Variants in TGFBR3 observed in about 807,000 individuals in gnomAD.
TGFBR3 encodes the protein transforming growth factor beta receptor type 3.
Under a neutral mutation model 87.9 loss-of-function variants are expected in TGFBR3, and 46 were observed. That is an observed-to-expected ratio of 0.52 (90% CI 0.41 to 0.67). The LOEUF (loss-of-function observed/expected upper bound fraction) is 0.67. Among genes scored for constraint, TGFBR3 ranks in the 30% least tolerant of loss-of-function variants. The pLI, the probability that TGFBR3 is intolerant of heterozygous loss-of-function variation, is 0.00. For synonymous variants in TGFBR3, 381 were observed against 391.6 expected, an observed-to-expected ratio of 0.97 and a Z score of 0.32; for missense variants, 866 against 1,041.9, an observed-to-expected ratio of 0.83 and a Z score of 2.32.
intron 1 of TGFBR3, among the ~76,000 whole-genome samples, chr1:91,878,903 T>C (rs1343834725): frequency 6.6e-6 from 1 of 152,208 alleles, no homozygotes; most frequent in Non-Finnish European, 1.5e-5. Flanking sequence ...CGCTTCTTTA[T>C]AACCATTTTT....
chr1:91,701,877 C>T (rs889119353), intron 14 of TGFBR3, among the ~76,000 whole-genome samples: 15 of 152,160 alleles, frequency 9.9e-5, no homozygotes, highest in African/African-American at 2.9e-4. Context: ...ACTAACTTAA[C>T]GTCACTGTAA....
rs1381489917 is a variant in TGFBR3, at chr1:91,716,372, A to G, written c.1730T>C (p.Val577Ala). The G allele has an allele frequency of 1.2e-6, 2 of 1,614,142 alleles. No individual in the cohort carries two copies. Among genetic ancestry groups the G allele is most frequent in the Non-Finnish European group, 1.7e-6 (2 of 1,180,012 alleles). ...IVVFNCSLQQ[V>A]RNPSSFQEQP... ...TTCCTGGAAGCTGCTGGGGTTCCTC[A>G]CCTGCTGAAGGCTGCAATTAAACTG... Residue 577 changes from valine (V) to alanine (A), a missense_variant, in exon 12 of 17, where the codon GTG becomes GCG. Physicochemically the swap from Val to Ala is moderately conservative, Grantham distance 64 (BLOSUM62 0). Transcript: ENST00000212355.
intron 4 of TGFBR3, among the ~76,000 whole-genome samples, chr1:91,752,229 T>A (rs1436101027): frequency 2.0e-5 from 3 of 152,204 alleles, no homozygotes; most frequent in Admixed American, 2.0e-4. Flanking sequence ...TTTCAGTATA[T>A]GTTATGTCCC....
chr1:91,776,445 G>A (rs897074417), intron 3 of TGFBR3, among the ~76,000 whole-genome samples: 6 of 152,224 alleles, frequency 3.9e-5, no homozygotes, highest in African/African-American at 9.6e-5. Context: ...GAAGTGTGTT[G>A]TGAATTCAAG....
intron 1 of TGFBR3, 188 bp from the exon 2 acceptor site, chr1:91,861,832 T>C (rs1430160636): frequency 5.2e-6 from 2 of 386,658 alleles, no homozygotes; most frequent in South Asian, 2.5e-5. Context: ...GCAAATACTT[T>C]TGCAAATGAC....
At chr1:91,690,966 C>T (rs1016511037) in intron 16 of TGFBR3, among the ~76,000 whole-genome samples, 1 of 151,312 alleles carries the variant, frequency 6.6e-6, no homozygotes, top group African/African-American at 2.4e-5. Context: ...TGATACTGCA[C>T]CCATGAAACA....
chr1:91,774,937 A>T (rs1398281840), intron 3 of TGFBR3, among the ~76,000 whole-genome samples: 1 of 152,064 alleles, frequency 6.6e-6, no homozygotes, highest in East Asian at 1.9e-4. Context: ...CCAAAAATGA[A>T]ATTTATATAT....
intron 1 of TGFBR3, among the ~76,000 whole-genome samples, chr1:91,882,553 G>C: frequency 6.6e-6 from 1 of 151,930 alleles, no homozygotes; most frequent in East Asian, 2.0e-4. Flanking sequence ...GACCTTCCTG[G>C]CTAACACGGT....
intron 4 of TGFBR3, among the ~76,000 whole-genome samples, chr1:91,751,849 C>T (rs2100873356): frequency 6.6e-6 from 1 of 152,260 alleles, no homozygotes. Flanking sequence ...TTGATATTTA[C>T]TTGGATTTGC....
upstream of TGFBR3, among the ~76,000 whole-genome samples, chr1:91,888,347 C>G (rs755783907): frequency 1.3e-5 from 2 of 152,178 alleles, no homozygotes; most frequent in African/African-American, 4.8e-5. Context: ...GCCTTGTTAA[C>G]AAGTTTTAGT....
Position 91,712,430 on chromosome 1 carries a change from CA to C in TGFBR3, c.1978del (p.Cys660ValfsTer7), listed in dbSNP as rs1208185230. The C allele has an allele frequency of 6.2e-7, 1 of 1,614,144 alleles. No homozygotes were observed. Among genetic ancestry groups the C allele is most frequent in the South Asian group, 1.1e-5 (1 of 91,084 alleles). ...MSHYTIIENI[C>X]PKDESVKFYS... ...GAATTTCACAGATTCATCTTTAGGA[CA>C]AATATTCTCAATAATGGTGTAATGA... On this transcript the variant is annotated frameshift_variant, in exon 13 of 17. Coordinates refer to ENST00000212355, the MANE Select transcript of TGFBR3 (RefSeq NM_003243.5). LOFTEE classifies it high-confidence loss of function.
rs1464092327 is a variant in TGFBR3, at chr1:91,797,343, C to T, written c.190G>A (p.Val64Met). The T allele has an allele frequency of 1.2e-6, 2 of 1,614,256 alleles. No homozygotes were observed. Among genetic ancestry groups the T allele is most frequent in the South Asian group, 2.2e-5 (2 of 91,086 alleles). ...GCAGTGCGGAGATTCAGGACATGCA[C>T]CTCCTGTGGCAGCCCAGTTGTGCCT... ...SRGTTGLPQE[V>M]HVLNLRTAGQ... The change falls in exon 3 of 17, where the codon GTG becomes ATG. Residue 64 changes from valine (V) to methionine (M), a missense_variant. Transcript: ENST00000212355.
At chr1:91,881,088 T>C (rs987210094) in intron 1 of TGFBR3, among the ~76,000 whole-genome samples, 1 of 152,164 alleles carries the variant, frequency 6.6e-6, no homozygotes, top group Admixed American at 6.5e-5. Flanking sequence ...AGGCAAAATA[T>C]TACAGCAAAG....
rs760721849 is a variant in TGFBR3 at position 91,792,924 on chromosome 1, G to A, written c.246+4363C>T. On this transcript the variant is annotated intron_variant, in intron 3 of 16. Transcript: ENST00000212355. The stretch of plus-strand genomic sequence containing the variant: ...TTTCCTGTTCGCTTCCAAGGCTGTT[G>A]TTTCCGAAACCAATGATTACAAATG... Among the ~76,000 whole-genome samples, 8 of 152,298 alleles carry A rather than the reference G, an allele frequency of 5.3e-5. No individual in the cohort carries two copies. In the East Asian group the frequency reaches 1.4e-3, roughly 26 times the overall value.
At chr1:91,809,050 A>C (rs1471394710) in intron 2 of TGFBR3, among the ~76,000 whole-genome samples, 1 of 152,200 alleles carries the variant, frequency 6.6e-6, no homozygotes, top group Admixed American at 6.5e-5. Flanking sequence ...TTATCGACTT[A>C]GATTCAAAAT....
chr1:91,859,278 G>A (rs1678083325), intron 2 of TGFBR3, among the ~76,000 whole-genome samples: 3 of 152,058 alleles, frequency 2.0e-5, no homozygotes, highest in Admixed American at 6.5e-5. Context: ...TTCTTCAGTT[G>A]TGTTTTTCAG....
At chr1:91,900,766 A>G (rs1245867772) in intron 1 of TGFBR3, among the ~76,000 whole-genome samples, 2 of 152,266 alleles carry the variant, frequency 1.3e-5, no homozygotes, top group Non-Finnish European at 2.9e-5. Context: ...CTGAATCATC[A>G]TATCACTTTA....
intron 1 of TGFBR3, among the ~76,000 whole-genome samples, chr1:91,904,521 C>T (rs1264611409): frequency 1.3e-5 from 2 of 150,714 alleles, no homozygotes; most frequent in African/African-American, 4.9e-5. Context: ...CTCAGCCTCC[C>T]AGGTAGCTGG....
At chr1:91,725,081 A>G (rs572875578) in intron 7 of TGFBR3, among the ~76,000 whole-genome samples, 3 of 152,304 alleles carry the variant, frequency 2.0e-5, no homozygotes, top group Admixed American at 6.5e-5. Context: ...AAAAGTGATT[A>G]TGCATGGTCC....
Sources: gnomAD v4.1 joint callset for allele counts (sites outside exome capture counted in the v4.1 genomes callset) on GRCh38, gnomAD v4.1.1 for gene constraint, MANE v1.5 for transcripts, NCBI Gene and HGNC (gene_info 2026-07-23, HGNC 2026-07-21) for gene names.